Variants in PTPRK observed in about 807,000 individuals in gnomAD.
PTPRK encodes the protein protein tyrosine phosphatase receptor type K.
In PTPRK, 75 loss-of-function variants were observed where a neutral mutation model predicts 178.0. That is an observed-to-expected ratio of 0.42 (90% CI 0.35 to 0.51). PTPRK has a LOEUF of 0.51. Ranked by LOEUF, PTPRK falls within the 20% of genes least tolerant of loss-of-function variation. The pLI, the probability that PTPRK is intolerant of heterozygous loss-of-function variation, is 0.02. For synonymous variants in PTPRK, 637 were observed against 620.6 expected (o/e 1.03, Z -0.39); for missense variants, 1,441 against 1,797.8 (o/e 0.80, Z 3.59).
At chr6:128,333,693 C>T (rs1830559745) in intron 2 of PTPRK, among the ~76,000 whole-genome samples, 1 of 152,168 alleles carries the variant, frequency 6.6e-6, no homozygotes, top group Non-Finnish European at 1.5e-5. Flanking sequence ...ATCCAGACTA[C>T]TAAAACTTTC....
At chr6:128,237,683 G>A (rs142016972) in intron 5 of PTPRK, among the ~76,000 whole-genome samples, 43 of 152,278 alleles carry the variant, frequency 2.8e-4, no homozygotes, top group Admixed American at 3.3e-4. Flanking sequence ...AAAGGTTTAG[G>A]AGGGTTAGAG....
chr6:128,518,934 A>G (rs1473259098), intron 1 of PTPRK: 1 of 465,998 alleles, frequency 2.1e-6, no homozygotes, highest in Non-Finnish European at 4.4e-6. Flanking sequence ...ACTCCAGAAA[A>G]CAACAATTTG....
intron 1 of PTPRK, among the ~76,000 whole-genome samples, chr6:128,494,140 G>A (rs553985720): frequency 6.8e-6 from 1 of 147,302 alleles, no homozygotes; most frequent in South Asian, 2.1e-4. Context: ...AATGAGCCAT[G>A]ACCTCAACTG....
At chr6:128,425,504 T>A (rs1218349888) in intron 1 of PTPRK, among the ~76,000 whole-genome samples, 11 of 152,192 alleles carry the variant, frequency 7.2e-5, no homozygotes, top group Non-Finnish European at 2.9e-5. Flanking sequence ...GAACATATGA[T>A]GTTTTGTTTT....
intron 21 of PTPRK, 65 bp downstream of exon 21, chr6:127,990,704 C>A: frequency 1.9e-6 from 2 of 1,049,186 alleles, no homozygotes; most frequent in South Asian, 1.4e-5. Flanking sequence ...CAGAACTTGG[C>A]AAAGATTTTA....
chr6:128,169,154 G>A (rs1799842068), intron 7 of PTPRK, among the ~76,000 whole-genome samples: 1 of 152,068 alleles, frequency 6.6e-6, no homozygotes, highest in African/African-American at 2.4e-5. Context: ...GAAGACTATA[G>A]TTAATAATAT....
chr6:127,998,049 T>C (rs1777361535), intron 16 of PTPRK, among the ~76,000 whole-genome samples: 1 of 152,112 alleles, frequency 6.6e-6, no homozygotes, highest in African/African-American at 2.4e-5. Flanking sequence ...CTATTTTCCT[T>C]TTGCTATATT....
intron 1 of PTPRK, among the ~76,000 whole-genome samples, chr6:128,517,841 T>A (rs1312669378): frequency 6.6e-6 from 1 of 152,206 alleles, no homozygotes; most frequent in South Asian, 2.1e-4. Flanking sequence ...GAATTTGTCT[T>A]GGACTTTTAA....
intron 7 of PTPRK, among the ~76,000 whole-genome samples, chr6:128,101,660 A>G (rs527359218): frequency 2.6e-4 from 39 of 152,212 alleles, no homozygotes; most frequent in Admixed American, 1.5e-3. Flanking sequence ...GAGATTTCCT[A>G]GGATGAACAA....
chr6:128,432,054 T>C (rs928786698), intron 1 of PTPRK, among the ~76,000 whole-genome samples: 2 of 152,146 alleles, frequency 1.3e-5, no homozygotes, highest in Non-Finnish European at 2.9e-5. Flanking sequence ...CGGTTGAAAA[T>C]ACAGCTCCTT....
At chr6:128,183,437 AT>A (rs1228324113) in intron 7 of PTPRK, among the ~76,000 whole-genome samples, 2 of 152,216 alleles carry the variant, frequency 1.3e-5, no homozygotes, top group South Asian at 4.1e-4. Context: ...TGGACTCTCT[AT>A]CATCTAAGTC....
At chr6:128,021,656 A>G (rs1451134572) in intron 13 of PTPRK, among the ~76,000 whole-genome samples, 1 of 151,896 alleles carries the variant, frequency 6.6e-6, no homozygotes, top group Non-Finnish European at 1.5e-5. Flanking sequence ...AAAGAAAGAA[A>G]GTTTCATCTC....
At chr6:128,130,474 C>T (rs1794048888) in intron 7 of PTPRK, among the ~76,000 whole-genome samples, 2 of 152,140 alleles carry the variant, frequency 1.3e-5, no homozygotes, top group Non-Finnish European at 2.9e-5. Flanking sequence ...ACCCTATATT[C>T]CTCTCTTACT....
chr6:128,221,582 CT>C (rs1461399066), intron 5 of PTPRK, among the ~76,000 whole-genome samples: 1 of 151,464 alleles, frequency 6.6e-6, no homozygotes, highest in Non-Finnish European at 1.5e-5. Context: ...TACACTGTAT[CT>C]TTAAATACCT....
At chr6:128,379,599 T>C (rs1371421181) in intron 2 of PTPRK, among the ~76,000 whole-genome samples, 2 of 152,240 alleles carry the variant, frequency 1.3e-5, no homozygotes, top group Admixed American at 1.3e-4. Context: ...AGCCTCAGTC[T>C]TCCAAGATAA....
chr6:128,509,682 T>G (rs780370294), intron 1 of PTPRK, among the ~76,000 whole-genome samples: 1 of 152,102 alleles, frequency 6.6e-6, no homozygotes, highest in Non-Finnish European at 1.5e-5. Context: ...CATTGTAATA[T>G]TCTCATTTTG....
At chr6:128,244,887 A>C (rs558552399) in intron 3 of PTPRK, among the ~76,000 whole-genome samples, 1 of 152,238 alleles carries the variant, frequency 6.6e-6, no homozygotes, top group African/African-American at 2.4e-5. Context: ...AATATCTAAC[A>C]TAAGAAAGAG....
intron 1 of PTPRK, among the ~76,000 whole-genome samples, chr6:128,398,093 G>C (rs985919268): frequency 1.3e-5 from 2 of 152,140 alleles, no homozygotes; most frequent in Non-Finnish European, 2.9e-5. Context: ...AGTAACGAAA[G>C]CAGAGATTTA....
chr6:128,032,546 G>A (rs1200170816), intron 13 of PTPRK, among the ~76,000 whole-genome samples: 1 of 152,120 alleles, frequency 6.6e-6, no homozygotes, highest in Non-Finnish European at 1.5e-5. Context: ...TATTTATTAT[G>A]TGTTAACAGC....
Sources: allele counts gnomAD v4.1 joint callset (sites outside exome capture counted in the v4.1 genomes callset), GRCh38; gene constraint gnomAD v4.1.1; transcripts MANE v1.5; gene names NCBI Gene and HGNC (gene_info 2026-07-23, HGNC 2026-07-21).